Variants in SLC3A1 observed in about 807,000 individuals in gnomAD.
SLC3A1 encodes solute carrier family 3 member 1.
A neutral mutation model predicts 60.3 loss-of-function variants in SLC3A1; 78 were observed. The ratio of observed to expected loss-of-function variants is 1.29; its 90% CI spans 1.08 to 1.56. SLC3A1 has a LOEUF of 1.56. Ranked by LOEUF, SLC3A1 falls within the 40% of genes most tolerant of loss-of-function variation. The pLI, the probability that SLC3A1 is intolerant of heterozygous loss-of-function variation, is 0.00. For synonymous variants in SLC3A1, 392 were observed against 307.9 expected (o/e 1.27, Z -2.86); for missense variants, 1,172 against 858.9 (o/e 1.36, Z -4.56).
In SLC3A1 at chr2:44,286,665, G is replaced by A. The variant is rs577509676; in HGVS notation, c.891+508G>A. On this transcript the variant is annotated intron_variant, in intron 4 of 9. Coordinates refer to ENST00000260649, the MANE Select transcript of SLC3A1 (RefSeq NM_000341.4). The stretch of plus-strand genomic sequence containing the variant: ...CACTGTCTGTGACGGTGAGCTGTGC[G>A]GTGTCTGTGACGGTGAGCTGTGCGG... Among the ~76,000 whole-genome samples the A allele has an allele frequency of 9.4e-5, 14 of 148,306 alleles. No individual in the cohort carries two copies. The East Asian group carries it at 2.7e-3, about 28-fold the overall frequency.
intron 1 of SLC3A1, 130 bp downstream of exon 1, chr2:44,276,095 T>A: frequency 1.2e-6 from 1 of 811,990 alleles, no homozygotes; most frequent in East Asian, 2.6e-5. Context: ...CATGCCAAGT[T>A]GCTCCTTGTT....
intron 3 of SLC3A1, among the ~76,000 whole-genome samples, chr2:44,283,904 C>T (rs965722325): frequency 6.7e-6 from 1 of 150,124 alleles, no homozygotes; most frequent in Admixed American, 6.6e-5. Flanking sequence ...ATTCATGTAA[C>T]TTCAGGTAGC....
At position 44,318,343 on chromosome 2, in the gene SLC3A1, TG is replaced by T. The variant is rs138461522; in HGVS notation, c.1618-1855del. Reference sequence around the variant, plus strand: ...CTGACCTCTGGTGATCTGTCTGCCTTGCCTCCCAAAGTGCTAGGATTACGGG... The same window carrying T: ...CTGACCTCTGGTGATCTGTCTGCCTTCCTCCCAAAGTGCTAGGATTACGGG... On this transcript the variant is annotated intron_variant, in intron 9 of 9. Coordinates refer to ENST00000260649, the MANE Select transcript of SLC3A1 (RefSeq NM_000341.4). The T allele has an allele frequency of 2.7e-3, 516 of 194,496 alleles. 1 individual carries two copies. The highest frequency in any genetic ancestry group is 0.012 in the African/African-American group (484 of 41,896). 12.0% of individuals were successfully genotyped at this position (194,496 alleles called of 1,614,324 possible). A position where few individuals can be genotyped will look rare whatever the true frequency, so the allele number is the denominator to read the frequency against.
At chr2:44,317,937 T>A in intron 9 of SLC3A1, 1 of 250,760 alleles carries the variant, frequency 4.0e-6, no homozygotes, top group South Asian at 3.5e-5. Context: ...ACACAAAGAA[T>A]TAAAATGAAG....
At chr2:44,281,136 T>C (rs1043911703) in intron 2 of SLC3A1, among the ~76,000 whole-genome samples, 46 of 120,296 alleles carry the variant, frequency 3.8e-4, no homozygotes, top group African/African-American at 5.1e-4. Flanking sequence ...TCCCCTCCCC[T>C]CCCCTCCCCT....
chr2:44,298,038 T>A (rs1365934274), intron 4 of SLC3A1, among the ~76,000 whole-genome samples: 1 of 152,236 alleles, frequency 6.6e-6, no homozygotes, highest in African/African-American at 2.4e-5. Flanking sequence ...GCTATGAATA[T>A]TTGTGAACAA....
In SLC3A1 at chr2:44,275,825, T is replaced by C. The variant is rs147701210; in HGVS notation, c.290T>C (p.Val97Ala). Residue 97 changes from valine to alanine, a missense_variant, in exon 1 of 10, where the codon GTG (valine) becomes GCG (alanine). By Grantham distance (64) the Val-to-Ala change is moderately conservative. Transcript: ENST00000260649. ...CTCTTCTGGCTCACAGTGGCTTCTGTGCTGGTGCTCATCGCGGCCACCATA... is the reference window on the plus strand; with the variant it reads ...CTCTTCTGGCTCACAGTGGCTTCTGCGCTGGTGCTCATCGCGGCCACCATA... ...EILFWLTVASVLVLIAATIAI... is the reference protein window; with the variant it reads ...EILFWLTVASALVLIAATIAI... 112 of 1,614,224 alleles carry C rather than the reference T, an allele frequency of 6.9e-5. No individual in the cohort carries two copies. In the African/African-American group the frequency reaches 1.4e-3, roughly 20 times the overall value.
intron 7 of SLC3A1, among the ~76,000 whole-genome samples, chr2:44,311,285 A>G (rs961851985): frequency 5.9e-5 from 9 of 152,106 alleles, no homozygotes; most frequent in African/African-American, 1.7e-4. Context: ...CTGTTCATAT[A>G]CTTTAAATTC....
intron 4 of SLC3A1, among the ~76,000 whole-genome samples, chr2:44,295,711 G>T (rs1671833046): frequency 6.6e-6 from 1 of 152,148 alleles, no homozygotes; most frequent in Non-Finnish European, 1.5e-5. Context: ...ATTTCACAAT[G>T]CTGAGATCCG....
intron 4 of SLC3A1, among the ~76,000 whole-genome samples, chr2:44,295,336 A>C (rs1221524614): frequency 6.6e-6 from 1 of 152,202 alleles, no homozygotes; most frequent in African/African-American, 2.4e-5. Flanking sequence ...TGTATAGTCC[A>C]GTTCCCAGAG....
intron 4 of SLC3A1, among the ~76,000 whole-genome samples, chr2:44,289,320 C>G (rs779260948): frequency 1.3e-5 from 2 of 151,160 alleles, no homozygotes; most frequent in Non-Finnish European, 2.9e-5. Context: ...AAGTGACTCT[C>G]CTACCTCAGC....
chr2:44,296,909 T>C (rs1478408047), intron 4 of SLC3A1, among the ~76,000 whole-genome samples: 1 of 152,160 alleles, frequency 6.6e-6, no homozygotes, highest in African/African-American at 2.4e-5. Context: ...GCACAAACTC[T>C]CTCGCCTGCT....
intron 7 of SLC3A1, among the ~76,000 whole-genome samples, chr2:44,308,916 T>G (rs978678202): frequency 6.6e-6 from 1 of 152,056 alleles, no homozygotes; most frequent in African/African-American, 2.4e-5. Flanking sequence ...GTATTTTTAG[T>G]AGAGACGGGG....
intron 7 of SLC3A1, among the ~76,000 whole-genome samples, chr2:44,311,733 A>T (rs1558468484): frequency 1.3e-5 from 2 of 151,646 alleles, no homozygotes; most frequent in African/African-American, 4.8e-5. Context: ...TAAAAAAAAA[A>T]AAACCCAACC....
At chr2:44,296,594 C>G (rs868693845) in intron 4 of SLC3A1, among the ~76,000 whole-genome samples, 1 of 152,300 alleles carries the variant, frequency 6.6e-6, no homozygotes, top group Middle Eastern at 3.4e-3. Context: ...TCAAGCTTCA[C>G]CATTCAAAAT....
chr2:44,304,906 C>T (rs533336670), intron 7 of SLC3A1, among the ~76,000 whole-genome samples: 6 of 149,146 alleles, frequency 4.0e-5, no homozygotes, highest in African/African-American at 9.9e-5. Flanking sequence ...ACTGCAGCCT[C>T]GACCTCTGAG....
Position 44,275,896 on chromosome 2 carries a change from G to C in SLC3A1, c.361G>C (p.Gly121Arg). Residue 121 changes from glycine (G) to arginine (R), a missense_variant, in exon 1 of 10, where the codon GGG (glycine) becomes CGG (arginine). Coordinates refer to ENST00000260649, the MANE Select transcript of SLC3A1 (RefSeq NM_000341.4). Reference sequence around the variant, plus strand: ...AAAGTGCCTAGACTGGTGGCAGGAGGGGCCCATGTACCAGATCTACCCAAG... The same window carrying C: ...AAAGTGCCTAGACTGGTGGCAGGAGCGGCCCATGTACCAGATCTACCCAAG... ...SPKCLDWWQE[G>R]PMYQIYPRSF... is the part of the protein sequence containing the mutation. 1.2e-6 allele frequency: 2 copies of C among 1,613,980 alleles called. No individual in the cohort carries two copies. The highest frequency in any genetic ancestry group is 1.7e-6 in the Non-Finnish European group (2 of 1,179,974).
At position 44,314,061 on chromosome 2, in the gene SLC3A1, A is replaced by G. The variant is rs758427256; in HGVS notation, c.1617+110A>G. Reference sequence around the variant, plus strand: ...CTAAACCTTAACGGATACTCTTTAAATCAATCACAGACTTCCTTGCAGTTT... The same window carrying G: ...CTAAACCTTAACGGATACTCTTTAAGTCAATCACAGACTTCCTTGCAGTTT... On this transcript the variant is annotated intron_variant, in intron 9 of 9. Coordinates refer to ENST00000260649, the MANE Select transcript of SLC3A1 (RefSeq NM_000341.4). 1.9e-6 allele frequency: 3 copies of G among 1,566,070 alleles called. No homozygotes were observed. In the South Asian group the frequency reaches 3.5e-5, roughly 18 times the overall value.
intron 7 of SLC3A1, among the ~76,000 whole-genome samples, chr2:44,306,944 A>C (rs567410614): frequency 2.6e-5 from 4 of 152,222 alleles, no homozygotes; most frequent in African/African-American, 9.6e-5. Context: ...CTCATTCCAG[A>C]GCATTTTCAT....
Sources: allele counts gnomAD v4.1 joint callset (sites outside exome capture counted in the v4.1 genomes callset), GRCh38; gene constraint gnomAD v4.1.1; transcripts MANE v1.5; gene names NCBI Gene and HGNC (gene_info 2026-07-23, HGNC 2026-07-21).